CTU2: variants seen among roughly 807,000 people sequenced by gnomAD.
The protein encoded by CTU2 is cytoplasmic tRNA 2-thiolation protein 2.
Under a neutral mutation model 64.1 loss-of-function variants are expected in CTU2, and 80 were observed. The ratio of observed to expected loss-of-function variants is 1.25; its 90% CI spans 1.04 to 1.50. The LOEUF is 1.50. CTU2 is among the 40% of genes most tolerant of loss of function. The pLI is 0.00. For missense variants in CTU2, 1,110 were observed against 690.2 expected (o/e 1.61, Z -6.81); for synonymous variants, 482 against 285.3 (o/e 1.69, Z -6.95).
chr16:88,714,346 G>C (rs557189445), intron 10 of CTU2, 37 bp from the exon 11 acceptor site: 8 of 1,609,086 alleles, frequency 5.0e-6, no homozygotes, highest in South Asian at 1.1e-5. Context: ...GCCCCAGCCC[G>C]TGTGATTCAC....
chr16:88,707,206 T>G lies in CTU2; in HGVS notation c.139T>G (p.Cys47Gly). Reference sequence around the variant, plus strand: ...GGTGATACGAGCCGGAGATGCCTTCTGCAGGTGAGGCCTGGAGGTGGCTGA... The same window carrying G: ...GGTGATACGAGCCGGAGATGCCTTCGGCAGGTGAGGCCTGGAGGTGGCTGA... ...VVVIRAGDAF[C>G]RDCFKAFYVH... is the part of the protein sequence containing the mutation. Residue 47 changes from cysteine to glycine, a missense_variant, in exon 2 of 15, where the codon TGC becomes GGC. Cys to Gly is a radical substitution (Grantham distance 159). Transcript: ENST00000453996. 1 of 1,613,910 alleles carries G rather than the reference T, an allele frequency of 6.2e-7. No individual in the cohort carries two copies. The highest frequency in any genetic ancestry group is 8.5e-7 in the Non-Finnish European group (1 of 1,179,934).
chr16:88,712,868 A>T lies in CTU2; in HGVS notation c.700A>T (p.Thr234Ser). 1 of 1,546,638 alleles carries T rather than the reference A, an allele frequency of 6.5e-7. No homozygotes were observed. The highest frequency in any genetic ancestry group is 8.7e-7 in the Non-Finnish European group (1 of 1,147,388). Residue 234 changes from threonine (T) to serine (S), a missense_variant, in exon 7 of 15, where the codon ACA (threonine) becomes TCA (serine). Physicochemically the swap from Thr to Ser is moderately conservative, Grantham distance 58. Transcript: ENST00000453996. ...ALSQLFCSVR[T>S]LTAKEELLQT... is the part of the protein sequence containing the mutation. ...TTCCCAACTGTTCTGCTCAGTGAGG[A>T]CACTGACTGCCAAGGAGGAGCTTCT... is the stretch of plus-strand genomic sequence containing the variant.
intron 5 of CTU2, 169 bp from the exon 6 acceptor site, chr16:88,712,105 A>C: frequency 2.8e-6 from 2 of 722,618 alleles, no homozygotes; most frequent in Middle Eastern, 2.3e-4. Flanking sequence ...GTCAGCCGCA[A>C]GAGAGAAACC....
chr16:88,712,391 G>T lies in CTU2; in HGVS notation c.453+8G>T. 6.3e-7 allele frequency: 1 copy of T among 1,590,846 alleles called. No individual in the cohort carries two copies. Among genetic ancestry groups the T allele is most frequent in the Non-Finnish European group, 8.6e-7 (1 of 1,166,314 alleles). ...GTGGTGGCCTTAGAGGAGGTGGGAG[G>T]GCTGTCCCTGGAAAGGGGTCCCGGA... On this transcript the variant is annotated splice_region_variant and intron_variant, in intron 6 of 14. Coordinates refer to ENST00000453996, the MANE Select transcript of CTU2 (RefSeq NM_001012759.3).
Position 88,713,299 on chromosome 16 carries a change from C to A in CTU2, c.738-13C>A, listed in dbSNP as rs1437942538. ...CTGCACCCCCCAGGCCCCTGAGACG[C>A]TCTGTGCTTTAGGACCCACCTGATC... On this transcript the variant is annotated splice_polypyrimidine_tract_variant and intron_variant, in intron 7 of 14. Coordinates refer to ENST00000453996, the MANE Select transcript of CTU2 (RefSeq NM_001012759.3). 2 of 1,575,538 alleles carry A rather than the reference C, an allele frequency of 1.3e-6. No individual in the cohort carries two copies. The highest frequency in any genetic ancestry group is 1.7e-6 in the Non-Finnish European group (2 of 1,161,518).
chr16:88,714,845 G>A lies in CTU2; in HGVS notation c.1353-15G>A. 4 of 1,612,536 alleles carry A rather than the reference G, an allele frequency of 2.5e-6. No individual in the cohort carries two copies. Among genetic ancestry groups the A allele is most frequent in the Non-Finnish European group, 3.4e-6 (4 of 1,179,850 alleles). ...AGGTGCCAAGGTGGGCACACAGCCAGCTCTGCTCCCGCAGGGAGGACCCCC... is the reference window on the plus strand; with the variant it reads ...AGGTGCCAAGGTGGGCACACAGCCAACTCTGCTCCCGCAGGGAGGACCCCC... On this transcript the variant is annotated splice_polypyrimidine_tract_variant and intron_variant, in intron 12 of 14. Coordinates refer to ENST00000453996, the MANE Select transcript of CTU2 (RefSeq NM_001012759.3).
chr16:88,711,732 C>G lies in CTU2; in HGVS notation c.343+37C>G, dbSNP rs745853305. ...CATTGCTCCTCCTAGTCCCTGGCCA[C>G]TTGGGGTAAGCCCTGCGGATCCTCC... On this transcript the variant is annotated intron_variant, in intron 5 of 14. Coordinates refer to ENST00000453996, the MANE Select transcript of CTU2 (RefSeq NM_001012759.3). 5.7e-6 allele frequency: 9 copies of G among 1,580,540 alleles called. 1 individual carries two copies. The highest frequency in any genetic ancestry group is 7.8e-6 in the Non-Finnish European group (9 of 1,156,670).
At position 88,706,610 on chromosome 16, in the gene CTU2, C is replaced by T. The variant is rs1489763851; in HGVS notation, c.68+12C>T. The T allele has an allele frequency of 3.6e-6, 5 of 1,402,426 alleles. No individual in the cohort carries two copies. Among genetic ancestry groups the T allele is most frequent in the Non-Finnish European group, 4.6e-6 (5 of 1,085,868 alleles). 86.9% of individuals were successfully genotyped at this position (1,402,426 alleles called of 1,614,324 possible). A position where few individuals can be genotyped will look rare whatever the true frequency, so the allele number is the denominator to read the frequency against. On this transcript the variant is annotated intron_variant, in intron 1 of 14. Coordinates refer to ENST00000453996, the MANE Select transcript of CTU2 (RefSeq NM_001012759.3). ...GCGCCGCGGCCCAGGTAAGAGCTGG[C>T]GGCCGGACCCGCCAGGCCGCCCCTC...
Position 88,713,324 on chromosome 16 carries a change from C to A in CTU2, c.750C>A (p.Ile250=). 3 of 1,599,184 alleles carry A rather than the reference C, an allele frequency of 1.9e-6. No homozygotes were observed. Among genetic ancestry groups the A allele is most frequent in the Non-Finnish European group, 8.5e-7 (1 of 1,174,372 alleles). ...CTCTGTGCTTTAGGACCCACCTGATCCTCCACATGGCCCGAGCCCACGGCT... is the reference window on the plus strand; with the variant it reads ...CTCTGTGCTTTAGGACCCACCTGATACTCCACATGGCCCGAGCCCACGGCT... ...ELLQTLRTHL[I]LHMARAHGYS... is the part of the protein sequence containing the mutation. The change falls in exon 8 of 15, where the codon ATC becomes ATA. Residue 250 remains isoleucine, a synonymous_variant. Transcript: ENST00000453996.
chr16:88,713,800 AC>A (rs1567651384), intron 9 of CTU2, 22 bp downstream of exon 9: 2 of 1,610,690 alleles, frequency 1.2e-6, no homozygotes, highest in African/African-American at 1.3e-5. Context: ...GGGCTGGGCA[AC>A]CTCTCTCACC....
intron 1 of CTU2, chr16:88,706,811 G>A (rs1910883478): frequency 3.8e-6 from 2 of 524,474 alleles, no homozygotes; most frequent in Non-Finnish European, 6.7e-6. Flanking sequence ...CAGCCACTGG[G>A]GACGGCTCTG....
chr16:88,709,872 GC>G, intron 2 of CTU2, 65 bp from the exon 3 acceptor site: 6 of 1,348,160 alleles, frequency 4.5e-6, no homozygotes, highest in Non-Finnish European at 6.3e-6. Context: ...TCACCTGGCA[GC>G]GCCTCAGGAC....
In CTU2 at chr16:88,715,176, C is replaced by T. The variant is rs370627694; in HGVS notation, c.1479-6C>T. ...GGGCTGGTGCCCACTGCAGCTTTCT[C>T]TCTAGGGCCTGGGGCTTGCAGGAGA... is the stretch of plus-strand genomic sequence containing the variant. On this transcript the variant is annotated splice_region_variant and splice_polypyrimidine_tract_variant and intron_variant, in intron 14 of 14. Coordinates refer to ENST00000453996, the MANE Select transcript of CTU2 (RefSeq NM_001012759.3). The T allele has an allele frequency of 1.9e-6, 3 of 1,611,986 alleles. No individual in the cohort carries two copies. The highest frequency in any genetic ancestry group is 1.7e-4 in the Middle Eastern group (1 of 6,060).
At chr16:88,706,653 C>T in intron 1 of CTU2, 55 bp downstream of exon 1, 3 of 1,279,716 alleles carry the variant, frequency 2.3e-6, no homozygotes, top group East Asian at 6.2e-5. Flanking sequence ...CGCCGCACTC[C>T]TGCCCCGAAG....
chr16:88,712,651 G>A lies in CTU2; in HGVS notation c.483G>A (p.Trp161Ter). The A allele has an allele frequency of 1.2e-6, 2 of 1,610,544 alleles. No individual in the cohort carries two copies. The highest frequency in any genetic ancestry group is 2.2e-5 in the East Asian group (1 of 44,872). ...EVFSLPPSVL[W>*]CSAQELVGSE... ...TCAGCCTGCCACCGTCGGTGCTTTGGTGCTCTGCCCAGGAGCTGGTGGGAT... is the reference window on the plus strand; with the variant it reads ...TCAGCCTGCCACCGTCGGTGCTTTGATGCTCTGCCCAGGAGCTGGTGGGAT... The change falls in exon 7 of 15, where the codon TGG (tryptophan) becomes TGA (stop). Residue 161 changes from tryptophan (W) to a stop codon, truncating the protein, a stop_gained. Coordinates refer to ENST00000453996, the MANE Select transcript of CTU2 (RefSeq NM_001012759.3). LOFTEE classifies it high-confidence loss of function.
chr16:88,706,574 A>G lies in CTU2; in HGVS notation c.44A>G (p.Glu15Gly). The G allele has an allele frequency of 6.9e-7, 1 of 1,454,758 alleles. No individual in the cohort carries two copies. Among genetic ancestry groups the G allele is most frequent in the Non-Finnish European group, 9.0e-7 (1 of 1,110,524 alleles). 90.1% of individuals were successfully genotyped at this position (1,454,758 alleles called of 1,614,324 possible). ...GEDYGEPAPE[E>G]PPPAPRPSRE... ...GACTACGGGGAGCCGGCGCCTGAGGAGCCGCCCCCGGCGCCGCGGCCCAGG... is the reference window on the plus strand; with the variant it reads ...GACTACGGGGAGCCGGCGCCTGAGGGGCCGCCCCCGGCGCCGCGGCCCAGG... The change falls in exon 1 of 15, where the codon GAG (glutamate) becomes GGG (glycine). Residue 15 changes from glutamate (E) to glycine (G), a missense_variant. Glu to Gly is a moderately conservative substitution (Grantham distance 98). Transcript: ENST00000453996.
chr16:88,707,063 C>CT, intron 1 of CTU2, 73 bp from the exon 2 acceptor site: 2 of 1,467,216 alleles, frequency 1.4e-6, no homozygotes, highest in Non-Finnish European at 1.9e-6. Context: ...CAGGAGCTGT[C>CT]TCCCCAAAGC....
chr16:88,709,915 C>G (rs377406251), intron 2 of CTU2, 23 bp from the exon 3 acceptor site: 48 of 1,611,368 alleles, frequency 3.0e-5, no homozygotes, highest in Non-Finnish European at 4.1e-5. Flanking sequence ...AGGCGGTTCC[C>G]TCATCTCAGG....
intron 1 of CTU2, chr16:88,706,845 C>T (rs1910888075): frequency 1.8e-6 from 1 of 553,762 alleles, no homozygotes. Flanking sequence ...TGTCCTTATT[C>T]GGAGAGAACT....
Sources: allele counts gnomAD v4.1 joint callset, GRCh38; gene constraint gnomAD v4.1.1; transcripts MANE v1.5; gene names NCBI Gene and HGNC (gene_info 2026-07-23, HGNC 2026-07-21).